SERINC4: variants seen among roughly 807,000 people sequenced by gnomAD.
The protein encoded by SERINC4 is serine incorporator 4.
A neutral mutation model predicts 52.0 loss-of-function variants in SERINC4; 52 were observed. The ratio of observed to expected loss-of-function variants is 1.00; its 90% CI spans 0.80 to 1.26. The LOEUF is 1.26. SERINC4 is among the 50% of genes most tolerant of loss of function. The pLI, the probability that SERINC4 is intolerant of heterozygous loss-of-function variation, is 0.00. For missense variants in SERINC4, 723 were observed against 632.8 expected (o/e 1.14, Z -1.53); for synonymous variants, 264 against 247.7 (o/e 1.07, Z -0.62).
At position 43,799,935 on chromosome 15, in the gene SERINC4, G is replaced by A. The variant is rs768992960; in HGVS notation, c.52C>T (p.Gln18Ter). The A allele has an allele frequency of 1.5e-4, 232 of 1,549,530 alleles. No homozygotes were observed. The highest frequency in any genetic ancestry group is 2.0e-4 in the Non-Finnish European group (225 of 1,146,658). ...ACACTGCTGCCTCCGCTGTGCTGCTGTGCCAGGCCCAGGGAGGTGCCGGGG... is the reference window on the plus strand; with the variant it reads ...ACACTGCTGCCTCCGCTGTGCTGCTATGCCAGGCCCAGGGAGGTGCCGGGG... Reference protein sequence around the residue: ...PSPGTSLGLAQQHSGGSSVLV... With the variant: ...PSPGTSLGLA Residue 18 changes from glutamine to a stop codon, truncating the protein, a stop_gained, in exon 1 of 12, where the codon CAG (glutamine) becomes TAG (stop). Transcript: ENST00000319327. LOFTEE classifies it high-confidence loss of function.
chr15:43,796,082 GGTT>G, intron 9 of SERINC4, 70 bp downstream of exon 9: 1 of 1,096,228 alleles, frequency 9.1e-7, no homozygotes, highest in Admixed American at 1.7e-5. Context: ...TCTGGGTAGA[GGTT>G]GGTAGGATGT....
chr15:43,799,537 G>A (rs757458526), intron 1 of SERINC4, 51 bp from the exon 2 acceptor site: 453 of 1,548,150 alleles, frequency 2.9e-4, no homozygotes, highest in Non-Finnish European at 3.9e-4. Context: ...GCTGAGGAAA[G>A]GCATACGTTA....
intron 2 of SERINC4, 59 bp downstream of exon 2, chr15:43,799,247 TTCTA>T (rs2087271845): frequency 1.3e-6 from 2 of 1,521,536 alleles, no homozygotes; most frequent in East Asian, 4.9e-5. Context: ...CCGAAACCTT[TTCTA>T]TCTTAGGGTT....
Position 43,795,755 on chromosome 15 carries a change from GT to G in SERINC4, c.1141-20del. 1 of 1,612,628 alleles carries G rather than the reference GT, an allele frequency of 6.2e-7. No individual in the cohort carries two copies. On this transcript the variant is annotated intron_variant, in intron 9 of 11. Coordinates refer to ENST00000319327, the MANE Select transcript of SERINC4 (RefSeq NM_001258031.2). Reference sequence around the variant, plus strand: ...AGGGCTTCTGCAAAACAGAACGCAGGTTTTGGAATGGTCTTAAAAGATGTGA... The same window carrying G: ...AGGGCTTCTGCAAAACAGAACGCAGGTTTGGAATGGTCTTAAAAGATGTGA...
Position 43,798,523 on chromosome 15 carries a change from GA to G in SERINC4, c.459-20del. Reference sequence around the variant, plus strand: ...CCAGAAGCTGGTTAGGAGGGAGAAAGAAAAACAGACTCAGGAGAAAAGGCAA... The same window carrying G: ...CCAGAAGCTGGTTAGGAGGGAGAAAGAAAACAGACTCAGGAGAAAAGGCAA... On this transcript the variant is annotated intron_variant, in intron 3 of 11. Transcript: ENST00000319327. 7 of 1,590,458 alleles carry G rather than the reference GA, an allele frequency of 4.4e-6. No homozygotes were observed. Among genetic ancestry groups the G allele is most frequent in the Non-Finnish European group, 6.0e-6 (7 of 1,158,512 alleles).
intron 8 of SERINC4, 145 bp from the exon 9 acceptor site, chr15:43,796,372 C>A: frequency 1.4e-6 from 1 of 739,078 alleles, no homozygotes; most frequent in Non-Finnish European, 2.3e-6. Context: ...GAATTCTATT[C>A]ATGTGAGAGC....
chr15:43,798,123 C>G, intron 4 of SERINC4, 110 bp from the exon 5 acceptor site: 1 of 749,132 alleles, frequency 1.3e-6, no homozygotes, highest in South Asian at 1.7e-5. Context: ...GATTTCAGCT[C>G]ACTGCAACCT....
rs1456978791 is a variant in SERINC4, at chr15:43,797,347, A to C, written c.642T>G (p.Gly214=). ...GGAACCAGCTACAGTCTTGAGCTGC[A>C]CCTGTCTGCCTAAGGGTGGAAAGTG... is the stretch of plus-strand genomic sequence containing the variant. The part of the protein sequence containing the change: ...AHSWNKNWQT[G]AAQDCSWFLA... The change falls in exon 6 of 12, where the codon GGT becomes GGG. Residue 214 remains glycine, a synonymous_variant. Transcript: ENST00000319327. The C allele has an allele frequency of 1.3e-6, 2 of 1,547,688 alleles. No homozygotes were observed. Among genetic ancestry groups the C allele is most frequent in the Admixed American group, 2.0e-5 (1 of 50,936 alleles).
rs955893502 is a variant in SERINC4 at position 43,796,112 on chromosome 15, G to C, written c.1140+43C>G. ...GTAGGATGTGTGTGTGTCTTTGTGT[G>C]GGGGAGGGAGGGTGTTGGGGATATG... On this transcript the variant is annotated intron_variant, in intron 9 of 11. Transcript: ENST00000319327. The C allele has an allele frequency of 3.6e-6, 5 of 1,370,898 alleles. No homozygotes were observed. In the African/African-American group the frequency reaches 5.7e-5, roughly 16 times the overall value. The allele number at this position is 1,370,898 out of a possible 1,614,324, so 84.9% of individuals were successfully genotyped here. A position where few individuals can be genotyped will look rare whatever the true frequency, so the allele number is the denominator to read the frequency against.
In SERINC4 at chr15:43,799,324, C is replaced by T. The variant is rs897312956; in HGVS notation, c.265G>A (p.Gly89Ser). ...LSRTVVERVW[G>S]KTHRIQMPSG... Reference sequence around the variant, plus strand: ...CTCTCACTTACCCTGTGTGTCTTGCCCCACACCCTTTCCACTACTGTCCTT... The same window carrying T: ...CTCTCACTTACCCTGTGTGTCTTGCTCCACACCCTTTCCACTACTGTCCTT... The change falls in exon 2 of 12, where the codon GGC (glycine) becomes AGC (serine). Residue 89 changes from glycine (G) to serine (S), a missense_variant. Coordinates refer to ENST00000319327, the MANE Select transcript of SERINC4 (RefSeq NM_001258031.2). 1.4e-5 allele frequency: 21 copies of T among 1,550,848 alleles called. No individual in the cohort carries two copies. In the East Asian group the frequency reaches 4.2e-4, roughly 31 times the overall value.
At chr15:43,797,106 G>T (rs996101895) in intron 6 of SERINC4, 39 bp downstream of exon 6, 5 of 1,528,582 alleles carry the variant, frequency 3.3e-6, no homozygotes, top group Admixed American at 3.9e-5. Context: ...ATGCTTTTAA[G>T]GCCCCCAAAA....
At chr15:43,797,395 ATT>A (rs748800928) in intron 5 of SERINC4, 39 bp from the exon 6 acceptor site, 5,329 of 1,225,474 alleles carry the variant, frequency 4.3e-3, no homozygotes, top group Non-Finnish European at 4.8e-3. Context: ...GAGCTCCAGC[ATT>A]TTTTTTTTTT....
At position 43,797,740 on chromosome 15, in the gene SERINC4, G is replaced by C. The variant is rs150460175; in HGVS notation, c.632+180C>G. 284 of 589,438 alleles carry C rather than the reference G, an allele frequency of 4.8e-4. 1 individual carries two copies. The African/African-American group carries it at 4.8e-3, about 10-fold the overall frequency. 36.5% of individuals were successfully genotyped at this position (589,438 alleles called of 1,614,324 possible). A position where few individuals can be genotyped will look rare whatever the true frequency, so the allele number is the denominator to read the frequency against. On this transcript the variant is annotated intron_variant, in intron 5 of 11. Coordinates refer to ENST00000319327, the MANE Select transcript of SERINC4 (RefSeq NM_001258031.2). ...ACCAACTACTCCCCTGCTCTCAGAA[G>C]ACTGGTGTGACTAGCCATCCTACTT...
intron 9 of SERINC4, 30 bp from the exon 10 acceptor site, chr15:43,795,766 G>C: frequency 6.2e-7 from 1 of 1,608,236 alleles, no homozygotes; most frequent in African/African-American, 1.3e-5. Context: ...TTTTGGAATG[G>C]TCTTAAAAGA....
chr15:43,797,046 A>G lies in SERINC4; in HGVS notation c.844+99T>C. ...CATCCTTTGGTGGGGATAGGGAAGCAGAGATTCTTTTATCAAATAATTGAG... is the reference window on the plus strand; with the variant it reads ...CATCCTTTGGTGGGGATAGGGAAGCGGAGATTCTTTTATCAAATAATTGAG... On this transcript the variant is annotated intron_variant, in intron 6 of 11. Coordinates refer to ENST00000319327, the MANE Select transcript of SERINC4 (RefSeq NM_001258031.2). 6 of 1,457,246 alleles carry G rather than the reference A, an allele frequency of 4.1e-6. No homozygotes were observed. The South Asian group carries it at 7.0e-5, about 17-fold the overall frequency. 90.3% of individuals were successfully genotyped at this position (1,457,246 alleles called of 1,614,324 possible).
chr15:43,798,994 G>C lies in SERINC4; in HGVS notation c.423C>G (p.His141Gln). ...GCTGTGCCCGCGGGCTGGTGGGGGA[G>C]TGGAGGTGGACCAGCAACACAGCCT... ...LLQAVLLVHLHSPTSPRAQLH... is the reference protein window; with the variant it reads ...LLQAVLLVHLQSPTSPRAQLH... Residue 141 changes from histidine to glutamine, a missense_variant, in exon 3 of 12, where the codon CAC becomes CAG. Coordinates refer to ENST00000319327, the MANE Select transcript of SERINC4 (RefSeq NM_001258031.2). 1.3e-6 allele frequency: 2 copies of C among 1,550,550 alleles called. No homozygotes were observed.
In SERINC4 at chr15:43,797,337, C is replaced by T. The variant is rs1368616174; in HGVS notation, c.652G>A (p.Asp218Asn). ...NKNWQTGAAQ[D>N]CSWFLAVLLA... ...AGGACAGCCAGGAACCAGCTACAGT[C>T]TTGAGCTGCACCTGTCTGCCTAAGG... The change falls in exon 6 of 12, where the codon GAC becomes AAC. Residue 218 changes from aspartate (D) to asparagine (N), a missense_variant. Transcript: ENST00000319327. 1.3e-6 allele frequency: 2 copies of T among 1,548,380 alleles called. No individual in the cohort carries two copies. The highest frequency in any genetic ancestry group is 3.9e-5 in the Admixed American group (2 of 50,962).
Position 43,797,351 on chromosome 15 carries a change from G to A in SERINC4, c.638C>T (p.Thr213Ile). The change falls in exon 6 of 12, where the codon ACA becomes ATA. Residue 213 changes from threonine (T) to isoleucine (I), a missense_variant. Coordinates refer to ENST00000319327, the MANE Select transcript of SERINC4 (RefSeq NM_001258031.2). ...FAHSWNKNWQ[T>I]GAAQDCSWFL... ...CCAGCTACAGTCTTGAGCTGCACCT[G>A]TCTGCCTAAGGGTGGAAAGTGGGCA... The A allele has an allele frequency of 6.5e-7, 1 of 1,547,830 alleles. No individual in the cohort carries two copies. The highest frequency in any genetic ancestry group is 8.7e-7 in the Non-Finnish European group (1 of 1,146,548).
At position 43,796,860 on chromosome 15, in the gene SERINC4, G is replaced by C; in HGVS notation, c.925C>G (p.Arg309Gly). 2 of 1,613,974 alleles carry C rather than the reference G, an allele frequency of 1.2e-6. No homozygotes were observed. The highest frequency in any genetic ancestry group is 2.2e-5 in the South Asian group (2 of 91,048). ...MYLTFSALSSRPPERVILQGQ... is the reference protein window; with the variant it reads ...MYLTFSALSSGPPERVILQGQ... Reference sequence around the variant, plus strand: ...TGTCCCTTACCTCTCTCTGGAGGACGGCTGGACAGTGCAGAGAAAGTCAGA... The same window carrying C: ...TGTCCCTTACCTCTCTCTGGAGGACCGCTGGACAGTGCAGAGAAAGTCAGA... Residue 309 changes from arginine (R) to glycine (G), a missense_variant, in exon 7 of 12, where the codon CGT (arginine) becomes GGT (glycine). Arg to Gly is a moderately radical substitution (Grantham distance 125, BLOSUM62 -2). Coordinates refer to ENST00000319327, the MANE Select transcript of SERINC4 (RefSeq NM_001258031.2).
Sources: gnomAD v4.1 joint callset for allele counts on GRCh38, gnomAD v4.1.1 for gene constraint, MANE v1.5 for transcripts, NCBI Gene and HGNC (gene_info 2026-07-23, HGNC 2026-07-21) for gene names.